Variants in XYLT1 observed in about 807,000 individuals in gnomAD.
XYLT1 encodes xylosyltransferase 1.
Under a neutral mutation model 91.3 loss-of-function variants are expected in XYLT1, and 36 were observed. The ratio of observed to expected loss-of-function variants is 0.39; its 90% confidence interval spans 0.30 to 0.52. The LOEUF is 0.52. XYLT1 is among the 20% of genes least tolerant of loss of function. The pLI is 0.68. For missense variants in XYLT1, 1,242 were observed against 1,284.5 expected, an observed-to-expected ratio of 0.97 and a Z score of 0.51; for synonymous variants, 588 against 532.0, an observed-to-expected ratio of 1.11 and a Z score of -1.45.
At chr16:17,388,789 G>A (rs1392884980) in intron 1 of XYLT1, among the ~76,000 whole-genome samples, 1 of 152,192 alleles carries the variant, frequency 6.6e-6, no homozygotes, top group Non-Finnish European at 1.5e-5. Flanking sequence ...TCAGAGAGTA[G>A]ATCAGAGAAT....
chr16:17,149,384 TA>T (rs372345725), intron 6 of XYLT1, among the ~76,000 whole-genome samples: 3,525 of 147,362 alleles, frequency 0.024, 134 homozygotes, highest in African/African-American at 0.082. Flanking sequence ...TGCTACAAAT[TA>T]AAAAAAAAAC....
chr16:17,225,190 CTA>C (rs1491006343), intron 3 of XYLT1, among the ~76,000 whole-genome samples: 3 of 151,938 alleles, frequency 2.0e-5, no homozygotes, highest in Non-Finnish European at 4.4e-5. Context: ...CTCTCTCTCT[CTA>C]TTTATAATTG....
At chr16:17,254,615 G>T (rs959334160) in intron 3 of XYLT1, among the ~76,000 whole-genome samples, 6 of 152,052 alleles carry the variant, frequency 3.9e-5, no homozygotes, top group Non-Finnish European at 8.8e-5. Context: ...GGCTGGTCTT[G>T]AACTGATGAC....
At chr16:17,270,322 C>T (rs1255556343) in intron 2 of XYLT1, among the ~76,000 whole-genome samples, 1 of 152,236 alleles carries the variant, frequency 6.6e-6, no homozygotes, top group African/African-American at 2.4e-5. Flanking sequence ...GGGGTAAAAA[C>T]CAAAGAGCCC....
chr16:17,327,387 G>C (rs530527198), intron 2 of XYLT1, among the ~76,000 whole-genome samples: 4 of 126,006 alleles, frequency 3.2e-5, no homozygotes, highest in South Asian at 5.2e-4. Flanking sequence ...TTTTGAGATA[G>C]AGTCTCGCTC....
intron 9 of XYLT1, among the ~76,000 whole-genome samples, chr16:17,132,086 A>C (rs2030503660): frequency 6.6e-6 from 1 of 152,166 alleles, no homozygotes; most frequent in Non-Finnish European, 1.5e-5. Context: ...TTCCTGTAAG[A>C]TCATTTACCT....
At position 17,106,005 on chromosome 16, in the gene XYLT1, G is replaced by A. The variant is rs146719535; in HGVS notation, c.*2690C>T. 3 of 152,260 alleles carry A rather than the reference G, an allele frequency of 2.0e-5. No homozygotes were observed. Among genetic ancestry groups the A allele is most frequent in the African/African-American group, 4.8e-5 (2 of 41,536 alleles). 9.4% of individuals were successfully genotyped at this position (152,260 alleles called of 1,614,324 possible). ...CTATTAATTAATAACATCAGAGAAG[G>A]GAGAGGAATACCCTGTGTGACTTCT... On this transcript the variant is annotated 3_prime_UTR_variant, in exon 12 of 12. Transcript: ENST00000261381.
chr16:17,350,671 G>T (rs1333624061), intron 2 of XYLT1, among the ~76,000 whole-genome samples: 1 of 151,920 alleles, frequency 6.6e-6, no homozygotes, highest in Non-Finnish European at 1.5e-5. Context: ...AAGCAATTTA[G>T]TCTCACCATC....
chr16:17,216,202 C>T (rs906040390), intron 3 of XYLT1, among the ~76,000 whole-genome samples: 11 of 152,124 alleles, frequency 7.2e-5, no homozygotes, highest in African/African-American at 1.7e-4. Context: ...TGAAGGGACT[C>T]GCAGGCTCAA....
At chr16:17,360,447 T>C (rs2035366089) in intron 1 of XYLT1, among the ~76,000 whole-genome samples, 1 of 152,236 alleles carries the variant, frequency 6.6e-6, no homozygotes, top group Admixed American at 6.5e-5. Context: ...TATCAGTGCA[T>C]GGTCAGGGAT....
At chr16:17,423,477 A>C (rs1394100246) in intron 1 of XYLT1, among the ~76,000 whole-genome samples, 1 of 152,022 alleles carries the variant, frequency 6.6e-6, no homozygotes, top group South Asian at 2.1e-4. Flanking sequence ...CTGCGATACA[A>C]AGGAGGGGCC....
chr16:17,331,207 C>T (rs2034894294), intron 2 of XYLT1, among the ~76,000 whole-genome samples: 1 of 152,246 alleles, frequency 6.6e-6, no homozygotes. Context: ...ACTCAAGCTA[C>T]AGCACACAAG....
At chr16:17,198,522 C>T in intron 4 of XYLT1, 108 bp from the exon 5 acceptor site, 2 of 1,106,350 alleles carry the variant, frequency 1.8e-6, no homozygotes, top group South Asian at 1.5e-5. Flanking sequence ...TTGGGCACTT[C>T]TGAGCACAGT....
At chr16:17,163,704 C>G (rs1213450351) in intron 5 of XYLT1, among the ~76,000 whole-genome samples, 1 of 152,186 alleles carries the variant, frequency 6.6e-6, no homozygotes, top group African/African-American at 2.4e-5. Context: ...CCAGGGGACA[C>G]TGGAGTAAGT....
At chr16:17,451,199 T>A (rs1243451284) in intron 1 of XYLT1, among the ~76,000 whole-genome samples, 3 of 152,166 alleles carry the variant, frequency 2.0e-5, no homozygotes, top group African/African-American at 7.2e-5. Context: ...GATGAACCCA[T>A]TAGCAGGGCT....
At chr16:17,145,406 G>A (rs1001096756) in intron 6 of XYLT1, among the ~76,000 whole-genome samples, 1 of 152,208 alleles carries the variant, frequency 6.6e-6, no homozygotes, top group Admixed American at 6.5e-5. Context: ...GGCCAGCAAT[G>A]CAAGCTGGGT....
intron 6 of XYLT1, among the ~76,000 whole-genome samples, chr16:17,151,991 C>T (rs2031294867): frequency 6.6e-6 from 1 of 152,222 alleles, no homozygotes; most frequent in African/African-American, 2.4e-5. Flanking sequence ...AATCAGCTTG[C>T]ATCGCCAAGC....
At chr16:17,436,664 G>A (rs1344843143) in intron 1 of XYLT1, among the ~76,000 whole-genome samples, 1 of 152,104 alleles carries the variant, frequency 6.6e-6, no homozygotes, top group Non-Finnish European at 1.5e-5. Context: ...AGTCCAAAAG[G>A]GAATCTACTT....
chr16:17,396,679 T>C (rs1244859366), intron 1 of XYLT1, among the ~76,000 whole-genome samples: 1 of 152,170 alleles, frequency 6.6e-6, no homozygotes, highest in Non-Finnish European at 1.5e-5. Context: ...GAGACCAGCC[T>C]GGCCAAACAG....
Sources: allele counts gnomAD v4.1 joint callset (sites outside exome capture counted in the v4.1 genomes callset), GRCh38; gene constraint gnomAD v4.1.1; transcripts MANE v1.5; gene names NCBI Gene and HGNC (gene_info 2026-07-23, HGNC 2026-07-21).